ACACA: variants seen among roughly 807,000 people sequenced by gnomAD.
ACACA encodes acetyl-CoA carboxylase 1.
Under a neutral mutation model 296.1 loss-of-function variants are expected in ACACA, and 103 were observed. The ratio of observed to expected loss-of-function variants is 0.35; its 90% CI spans 0.30 to 0.41. The LOEUF (loss-of-function observed/expected upper bound fraction) is 0.41. Ranked by LOEUF, ACACA falls within the 10% of genes least tolerant of loss-of-function variation. ACACA has a pLI of 1.00. For synonymous variants in ACACA, 953 were observed against 1,038.6 expected (o/e 0.92, Z 1.58); for missense variants, 1,554 against 2,989.7 (o/e 0.52, Z 11.20).
chr17:37,234,382 C>A (rs1479986539), intron 25 of ACACA, among the ~76,000 whole-genome samples: 2 of 152,174 alleles, frequency 1.3e-5, no homozygotes, highest in Admixed American at 1.3e-4. Flanking sequence ...ATCAAACTTA[C>A]CAGGCTCACT....
chr17:37,144,868 C>A (rs1385199886), intron 45 of ACACA, among the ~76,000 whole-genome samples: 2 of 152,068 alleles, frequency 1.3e-5, no homozygotes, highest in East Asian at 1.9e-4. Context: ...AGTCACATAT[C>A]ATCTCCTGGT....
At chr17:37,320,957 G>GA (rs935702702) in intron 3 of ACACA, among the ~76,000 whole-genome samples, 2,254 of 142,890 alleles carry the variant, frequency 0.016, 49 homozygotes, top group African/African-American at 0.052. Flanking sequence ...AAAAAAAAAA[G>GA]AAAAAAAAAA....
chr17:37,192,448 G>T, intron 36 of ACACA, 143 bp from the exon 37 acceptor site: 1 of 764,368 alleles, frequency 1.3e-6, no homozygotes, highest in Non-Finnish European at 2.2e-6. Flanking sequence ...CTACATTCAA[G>T]GCTAATGCTA....
chr17:37,255,258 C>A (rs1228643919), intron 14 of ACACA, among the ~76,000 whole-genome samples: 1 of 152,086 alleles, frequency 6.6e-6, no homozygotes, highest in Admixed American at 6.5e-5. Context: ...GTCCTGTTCT[C>A]ATGGTATTTA....
chr17:37,325,130 G>A (rs1335947485), intron 3 of ACACA, among the ~76,000 whole-genome samples: 2 of 151,544 alleles, frequency 1.3e-5, no homozygotes, highest in Admixed American at 6.6e-5. Flanking sequence ...GAACCCAGGA[G>A]GCGGAGGTTG....
intron 26 of ACACA, among the ~76,000 whole-genome samples, chr17:37,226,041 G>A (rs2079528684): frequency 6.6e-6 from 1 of 152,140 alleles, no homozygotes; most frequent in Non-Finnish European, 1.5e-5. Flanking sequence ...TTCCCTGAGT[G>A]TCCTTTCCTC....
chr17:37,375,909 T>A (rs981763457), intron 1 of ACACA: 5 of 519,326 alleles, frequency 9.6e-6, no homozygotes, highest in Non-Finnish European at 1.4e-5. Context: ...ATTAGCCCTT[T>A]CTCCAATTAG....
chr17:37,361,045 T>G (rs1798368821), intron 1 of ACACA, among the ~76,000 whole-genome samples: 1 of 151,314 alleles, frequency 6.6e-6, no homozygotes, highest in Admixed American at 6.6e-5. Flanking sequence ...GGATTCTTTT[T>G]TTTTTTTTTT....
intron 3 of ACACA, among the ~76,000 whole-genome samples, chr17:37,303,595 C>T (rs533870017): frequency 6.6e-6 from 1 of 152,166 alleles, no homozygotes; most frequent in Non-Finnish European, 1.5e-5. Context: ...CAGTGGCTCA[C>T]GCCTATAATC....
Position 37,257,612 on chromosome 17 carries a change from A to T in ACACA, c.1826+91T>A. The T allele has an allele frequency of 2.4e-6, 3 of 1,274,902 alleles. No homozygotes were observed. The South Asian group carries it at 3.7e-5, about 16-fold the overall frequency. The allele number at this position is 1,274,902 out of a possible 1,614,324, so 79.0% of individuals were successfully genotyped here. ...AGGTTGTTCATATTATTACTTTGAC[A>T]GCAGATGATTCCTATTCCCATGCTC... On this transcript the variant is annotated intron_variant, in intron 14 of 55. Transcript: ENST00000616317.
At chr17:37,354,229 T>C (rs572448294) in intron 1 of ACACA, among the ~76,000 whole-genome samples, 2 of 152,332 alleles carry the variant, frequency 1.3e-5, no homozygotes, top group South Asian at 4.1e-4. Context: ...TGGTTCCTTA[T>C]ATAAAACAGC....
chr17:37,100,836 C>T (rs1289853969), intron 52 of ACACA, among the ~76,000 whole-genome samples: 1 of 152,134 alleles, frequency 6.6e-6, no homozygotes, highest in East Asian at 1.9e-4. Flanking sequence ...GTGGCTCACA[C>T]CTGTAATCCC....
intron 1 of ACACA, 80 bp downstream of exon 1, chr17:37,406,182 C>G (rs368763965): frequency 2.7e-6 from 4 of 1,507,542 alleles, no homozygotes; most frequent in South Asian, 1.1e-5. Context: ...TGTGCAATGT[C>G]TGGCATGCAA....
chr17:37,316,335 C>CACACA (rs2147071746), intron 3 of ACACA, among the ~76,000 whole-genome samples: 1 of 105,670 alleles, frequency 9.5e-6, no homozygotes, highest in Non-Finnish European at 1.8e-5. Flanking sequence ...ACACACACAC[C>CACACA]CCTAACTTTG....
chr17:37,228,435 T>C (rs147993973), intron 25 of ACACA, among the ~76,000 whole-genome samples: 13 of 152,238 alleles, frequency 8.5e-5, no homozygotes, highest in African/African-American at 2.9e-4. Flanking sequence ...AGAGGTTCTA[T>C]TGAACAGGTA....
At chr17:37,105,786 C>T (rs2073645337) in intron 52 of ACACA, among the ~76,000 whole-genome samples, 1 of 151,330 alleles carries the variant, frequency 6.6e-6, no homozygotes, top group South Asian at 2.1e-4. Context: ...ACTGCTTGAA[C>T]CCGGGAGGCA....
chr17:37,116,551 G>C (rs550096848), intron 50 of ACACA, among the ~76,000 whole-genome samples: 1 of 152,282 alleles, frequency 6.6e-6, no homozygotes, highest in East Asian at 1.9e-4. Context: ...AGGAGCATCA[G>C]GGTTTGTTAA....
intron 50 of ACACA, among the ~76,000 whole-genome samples, chr17:37,118,070 CACCCTGACCTGT>C (rs1379156146): frequency 6.6e-6 from 1 of 152,204 alleles, no homozygotes; most frequent in Non-Finnish European, 1.5e-5. Flanking sequence ...GATAATACAA[CACCCTGACCTGT>C]ATGTAAATAT....
At chr17:37,306,835 G>C (rs2083907985) in intron 3 of ACACA, among the ~76,000 whole-genome samples, 1 of 151,842 alleles carries the variant, frequency 6.6e-6, no homozygotes, top group Non-Finnish European at 1.5e-5. Flanking sequence ...GCTGGGATTA[G>C]AGGTAAGCAC....
Sources: gnomAD v4.1 joint callset for allele counts (sites outside exome capture counted in the v4.1 genomes callset) on GRCh38, gnomAD v4.1.1 for gene constraint, MANE v1.5 for transcripts, NCBI Gene and HGNC (gene_info 2026-07-23, HGNC 2026-07-21) for gene names.